Variants in SMAD6 observed in about 807,000 individuals in gnomAD.
SMAD6 encodes the protein MAD homolog 6.
A neutral mutation model predicts 39.4 loss-of-function variants in SMAD6; 103 were observed. The ratio of observed to expected loss-of-function variants is 2.62; its 90% CI spans 2.23 to 3.08. SMAD6 has a LOEUF of 3.08. Ranked by LOEUF, SMAD6 falls within the 30% of genes most tolerant of loss-of-function variation. The pLI is 0.00. For missense variants in SMAD6, 1,104 were observed against 742.9 expected (o/e 1.49, Z -5.65); for synonymous variants, 445 against 353.3 (o/e 1.26, Z -2.91).
In SMAD6 at chr15:66,774,518, C is replaced by T. The variant is rs74327334; in HGVS notation, c.953-6479C>T. Among the ~76,000 whole-genome samples the T allele has an allele frequency of 8.0e-3, 1,211 of 152,296 alleles. 97 individuals are homozygous for T. The East Asian group carries it at 0.17, about 22-fold the overall frequency. On this transcript the variant is annotated intron_variant, in intron 3 of 3. Coordinates refer to ENST00000288840, the MANE Select transcript of SMAD6 (RefSeq NM_005585.5). ...CCTCCTCCTCGGCGCAGACAGCCAC[C>T]ACCCTCTGGTGGCAGGAATGTGGGT... is the stretch of plus-strand genomic sequence containing the variant.
intron 3 of SMAD6, among the ~76,000 whole-genome samples, chr15:66,719,771 AG>A (rs1487853242): frequency 6.6e-6 from 1 of 152,212 alleles, no homozygotes; most frequent in East Asian, 1.9e-4. Context: ...GCCGCAGGAA[AG>A]GAGACGCAGT....
At chr15:66,717,922 C>T (rs1893362044) in intron 3 of SMAD6, among the ~76,000 whole-genome samples, 1 of 152,136 alleles carries the variant, frequency 6.6e-6, no homozygotes, top group Non-Finnish European at 1.5e-5. Flanking sequence ...TCAATCCTTT[C>T]TTTTTTCCTC....
intron 3 of SMAD6, among the ~76,000 whole-genome samples, chr15:66,726,975 A>G (rs2439391): frequency 1.3e-5 from 2 of 151,804 alleles, no homozygotes; most frequent in Non-Finnish European, 2.9e-5. Flanking sequence ...ACTGTCTCCC[A>G]CTCAAGGCAG....
At chr15:66,739,467 A>G (rs1000502113) in intron 3 of SMAD6, among the ~76,000 whole-genome samples, 3 of 152,162 alleles carry the variant, frequency 2.0e-5, no homozygotes, top group African/African-American at 7.2e-5. Context: ...GGCCGTCAAG[A>G]GCCACTCAGG....
At position 66,781,739 on chromosome 15, in the gene SMAD6, T is replaced by A; in HGVS notation, c.*204T>A. ...TGGAGTCATTTTTACAATGTAATTA[T>A]TTATGTATGGTGCAATGTGTGTATA... On this transcript the variant is annotated 3_prime_UTR_variant, in exon 4 of 4. Coordinates refer to ENST00000288840, the MANE Select transcript of SMAD6 (RefSeq NM_005585.5). 1 of 414,650 alleles carries A rather than the reference T, an allele frequency of 2.4e-6. No individual in the cohort carries two copies. 25.7% of individuals were successfully genotyped at this position (414,650 alleles called of 1,614,324 possible).
At chr15:66,775,380 G>A (rs1317067783) in intron 3 of SMAD6, among the ~76,000 whole-genome samples, 1 of 152,168 alleles carries the variant, frequency 6.6e-6, no homozygotes, top group African/African-American at 2.4e-5. Flanking sequence ...GTTTTCTGTT[G>A]ATAGATATCT....
intron 3 of SMAD6, among the ~76,000 whole-genome samples, chr15:66,754,400 C>A (rs1315839743): frequency 6.6e-6 from 1 of 152,192 alleles, no homozygotes; most frequent in East Asian, 1.9e-4. Context: ...CTCCTCCGAC[C>A]ACCTTCCACT....
At chr15:66,752,941 A>G (rs929911910) in intron 3 of SMAD6, among the ~76,000 whole-genome samples, 2 of 152,248 alleles carry the variant, frequency 1.3e-5, no homozygotes, top group African/African-American at 2.4e-5. Flanking sequence ...AGGGGCATCC[A>G]TGGAGAAGGT....
At chr15:66,779,246 C>T (rs1009485844) in intron 3 of SMAD6, among the ~76,000 whole-genome samples, 3 of 152,182 alleles carry the variant, frequency 2.0e-5, no homozygotes, top group African/African-American at 7.2e-5. Flanking sequence ...CACTATTGCC[C>T]ACTGGCTAAG....
intron 3 of SMAD6, among the ~76,000 whole-genome samples, chr15:66,739,993 A>G (rs1415644069): frequency 2.6e-5 from 4 of 152,194 alleles, no homozygotes; most frequent in Non-Finnish European, 4.4e-5. Flanking sequence ...AGCATTACGT[A>G]AATATTTTCC....
At position 66,782,355 on chromosome 15, in the gene SMAD6, A is replaced by T. The variant is rs1379642894; in HGVS notation, c.*820A>T. The T allele has an allele frequency of 6.4e-6, 1 of 155,868 alleles. No individual in the cohort carries two copies. Among genetic ancestry groups the T allele is most frequent in the Non-Finnish European group, 1.4e-5 (1 of 70,734 alleles). 9.7% of individuals were successfully genotyped at this position (155,868 alleles called of 1,614,324 possible). On this transcript the variant is annotated 3_prime_UTR_variant, in exon 4 of 4. Transcript: ENST00000288840. ...TGAGTTATGAGCAAGCTAAAAGAAGACACTATTTCTCACCATTTTGTGGAA... is the reference window on the plus strand; with the variant it reads ...TGAGTTATGAGCAAGCTAAAAGAAGTCACTATTTCTCACCATTTTGTGGAA...
At chr15:66,712,868 G>A (rs1303291213) in intron 2 of SMAD6, among the ~76,000 whole-genome samples, 1 of 151,930 alleles carries the variant, frequency 6.6e-6, no homozygotes, top group Non-Finnish European at 1.5e-5. Context: ...TTAGCTGGGT[G>A]TGGTGGCTCA....
At chr15:66,737,853 C>T (rs569605912) in intron 3 of SMAD6, among the ~76,000 whole-genome samples, 167 of 152,248 alleles carry the variant, frequency 1.1e-3, no homozygotes, top group Non-Finnish European at 2.0e-3. Flanking sequence ...CCCAGAACTT[C>T]ACTCTGGATA....
intron 3 of SMAD6, among the ~76,000 whole-genome samples, chr15:66,750,416 G>A (rs547538629): frequency 1.1e-4 from 16 of 152,282 alleles, no homozygotes; most frequent in East Asian, 3.9e-4. Flanking sequence ...TGACTCATCC[G>A]AATTTCATTT....
At chr15:66,758,525 T>G (rs373990193) in intron 3 of SMAD6, among the ~76,000 whole-genome samples, 1 of 152,146 alleles carries the variant, frequency 6.6e-6, no homozygotes, top group Non-Finnish European at 1.5e-5. Flanking sequence ...GTCAGGAGTT[T>G]GAGACAAGCC....
chr15:66,703,896 TCCGC>T lies in SMAD6; in HGVS notation c.640_643del (p.Arg214TrpfsTer27). The stretch of plus-strand genomic sequence containing the variant: ...TGCGTGCTGGTGCCGCGCGCCGACC[TCCGC>T]CTGGGCGGCCAGCCCGCGCCGCCGC... On this transcript the variant is annotated frameshift_variant, in exon 1 of 4. Transcript: ENST00000288840. LOFTEE classifies it high-confidence loss of function. 7.8e-7 allele frequency: 1 copy of T among 1,289,990 alleles called. No individual in the cohort carries two copies. Among genetic ancestry groups the T allele is most frequent in the Non-Finnish European group, 9.8e-7 (1 of 1,023,166 alleles). 79.9% of individuals were successfully genotyped at this position (1,289,990 alleles called of 1,614,324 possible). A position where few individuals can be genotyped will look rare whatever the true frequency, so the allele number is the denominator to read the frequency against.
At chr15:66,738,404 C>T (rs974254651) in intron 3 of SMAD6, among the ~76,000 whole-genome samples, 2 of 152,196 alleles carry the variant, frequency 1.3e-5, no homozygotes, top group African/African-American at 2.4e-5. Context: ...CGAATCTGTT[C>T]GTGTCACTGT....
chr15:66,755,305 A>G (rs2140652630), intron 3 of SMAD6, among the ~76,000 whole-genome samples: 1 of 152,296 alleles, frequency 6.6e-6, no homozygotes, highest in African/African-American at 2.4e-5. Flanking sequence ...TCATGGACTC[A>G]CAGGCCCAGC....
At chr15:66,759,933 T>C (rs879816733) in intron 3 of SMAD6, among the ~76,000 whole-genome samples, 2 of 152,336 alleles carry the variant, frequency 1.3e-5, no homozygotes, top group African/African-American at 2.4e-5. Context: ...CCTGACCAGA[T>C]AGTCAAGGCC....
Sources: gnomAD v4.1 joint callset for allele counts (sites outside exome capture counted in the v4.1 genomes callset) on GRCh38, gnomAD v4.1.1 for gene constraint, MANE v1.5 for transcripts, NCBI Gene and HGNC (gene_info 2026-07-23, HGNC 2026-07-21) for gene names.